Variants in PAX3 observed in about 807,000 individuals in gnomAD.
PAX3 encodes the protein paired box 3.
Under a neutral mutation model 51.6 loss-of-function variants are expected in PAX3, and 14 were observed. The ratio of observed to expected loss-of-function variants is 0.27; its 90% CI spans 0.18 to 0.42. The LOEUF is 0.42. PAX3 is among the 10% of genes least tolerant of loss of function. The pLI, the probability that PAX3 is intolerant of heterozygous loss-of-function variation, is 1.00. For synonymous variants in PAX3, 280 were observed against 253.4 expected (o/e 1.11, Z -1.00); for missense variants, 540 against 642.8 (o/e 0.84, Z 1.73).
At chr2:222,255,631 C>A (rs1693608863) in intron 4 of PAX3, among the ~76,000 whole-genome samples, 2 of 152,124 alleles carry the variant, frequency 1.3e-5, no homozygotes, top group South Asian at 4.1e-4. Flanking sequence ...ACTCAGATAC[C>A]TTGATGTTAG....
chr2:222,290,006 T>C (rs1694971867), intron 4 of PAX3, among the ~76,000 whole-genome samples: 1 of 152,194 alleles, frequency 6.6e-6, no homozygotes, highest in South Asian at 2.1e-4. Flanking sequence ...AAACCTATGA[T>C]CTTATACCCA....
chr2:222,221,132 A>C (rs776470323), intron 6 of PAX3, 90 bp downstream of exon 6: 82 of 1,178,798 alleles, frequency 7.0e-5, no homozygotes, highest in Non-Finnish European at 1.0e-4. Context: ...ACATGGTGTC[A>C]GTACTGCAGA....
chr2:222,232,149 T>A lies in PAX3; in HGVS notation c.721A>T (p.Thr241Ser), dbSNP rs529347506. The A allele has an allele frequency of 1.5e-4, 248 of 1,614,054 alleles. 1 individual carries two copies. The Admixed American group carries it at 2.8e-3, about 18-fold the overall frequency. Residue 241 changes from threonine to serine, a missense_variant, in exon 5 of 9, where the codon ACT (threonine) becomes TCT (serine). Physicochemically the swap from Thr to Ser is moderately conservative, Grantham distance 58. This residue lies in a region of PAX3 where 427 missense variants were observed against 483.6 expected (regional missense o/e 0.88). Transcript: ENST00000392070. ...LEELERAFER[T>S]HYPDIYTREE... ...CTAGTATAAATGTCAGGGTAATGAG[T>A]TCTCTCAAAAGCACGCTCCAGTTCC...
chr2:222,211,059 G>T (rs1487489244), intron 7 of PAX3, among the ~76,000 whole-genome samples: 1 of 152,006 alleles, frequency 6.6e-6, no homozygotes, highest in Non-Finnish European at 1.5e-5. Flanking sequence ...TAGAGACGAG[G>T]TCTCACTATG....
At chr2:222,280,180 C>T (rs1694588241) in intron 4 of PAX3, among the ~76,000 whole-genome samples, 1 of 150,830 alleles carries the variant, frequency 6.6e-6, no homozygotes, top group Non-Finnish European at 1.5e-5. Context: ...TGTTGCACTG[C>T]AGCCTGGGCA....
At chr2:222,264,397 T>C (rs1029352501) in intron 4 of PAX3, 3 of 152,188 alleles carry the variant, frequency 2.0e-5, no homozygotes, top group African/African-American at 4.8e-5. Flanking sequence ...GGATGGGGGA[T>C]TGGGAAGCAA....
chr2:222,207,565 A>T (rs1445756134), intron 7 of PAX3, among the ~76,000 whole-genome samples: 1 of 152,232 alleles, frequency 6.6e-6, no homozygotes, highest in Non-Finnish European at 1.5e-5. Flanking sequence ...TGTGCTTCAT[A>T]TGCAGCATAC....
chr2:222,232,164 G>T lies in PAX3; in HGVS notation c.706C>A (p.Arg236Ser), dbSNP rs769650688. The change falls in exon 5 of 9, where the codon CGT (arginine) becomes AGT (serine). Residue 236 changes from arginine to serine, a missense_variant. Physicochemically the swap from Arg to Ser is moderately radical, Grantham distance 110. This residue lies in a region of PAX3 where 427 missense variants were observed against 483.6 expected (regional missense o/e 0.88). Transcript: ENST00000392070. ...GGGTAATGAGTTCTCTCAAAAGCAC[G>T]CTCCAGTTCCTCCAGCTGTTCTGCT... ...FTAEQLEELE[R>S]AFERTHYPDI... 3.1e-6 allele frequency: 5 copies of T among 1,613,996 alleles called. No homozygotes were observed. In the East Asian group the frequency reaches 1.1e-4, roughly 36 times the overall value.
At position 222,220,239 on chromosome 2, in the gene PAX3, G is replaced by T. The variant is rs751534630; in HGVS notation, c.1074C>A (p.Ser358Arg). 1 of 1,614,012 alleles carries T rather than the reference G, an allele frequency of 6.2e-7. No homozygotes were observed. The highest frequency in any genetic ancestry group is 8.5e-7 in the Non-Finnish European group (1 of 1,179,948). ...TATAGCTGGAAAATCCATGCCTGGT[G>T]CTGGGGAGGCAGTAGGCAGAGCTGC... is the stretch of plus-strand genomic sequence containing the variant. Reference protein sequence around the residue: ...PDSSSAYCLPSTRHGFSSYTD... With the variant: ...PDSSSAYCLPRTRHGFSSYTD... Residue 358 changes from serine (S) to arginine (R), a missense_variant, in exon 7 of 9, where the codon AGC (serine) becomes AGA (arginine). This residue lies in a region of PAX3 where 427 missense variants were observed against 483.6 expected (regional missense o/e 0.88). Transcript: ENST00000392070.
Position 222,201,034 on chromosome 2 carries a change from T to TACACAC in PAX3, c.*368_*373dup, listed in dbSNP as rs373626774. 1.2e-6 allele frequency: 1 copy of TACACAC among 800,440 alleles called. No homozygotes were observed. Among genetic ancestry groups the TACACAC allele is most frequent in the Non-Finnish European group, 2.0e-6 (1 of 500,532 alleles). The allele number at this position is 800,440 out of a possible 1,614,324, so 49.6% of individuals were successfully genotyped here. On this transcript the variant is annotated 3_prime_UTR_variant, in exon 9 of 9. Coordinates refer to ENST00000392070, the MANE Select transcript of PAX3 (RefSeq NM_181458.4). ...CCAAACCAGTCTGGGTAAATCTCAA[T>TACACAC]ACACACACACACACACACACGCACG...
chr2:222,297,074 C>A lies in PAX3; in HGVS notation c.225G>T (p.Gln75His). 1 of 1,614,160 alleles carries A rather than the reference C, an allele frequency of 6.2e-7. No homozygotes were observed. The highest frequency in any genetic ancestry group is 8.5e-7 in the Non-Finnish European group (1 of 1,180,024). Residue 75 changes from glutamine to histidine, a missense_variant, in exon 2 of 9, where the codon CAG (glutamine) becomes CAT (histidine). Coordinates refer to ENST00000392070, the MANE Select transcript of PAX3 (RefSeq NM_181458.4). Reference sequence around the variant, plus strand: ...AGACGCAGCCGTGGGACACGCGCAGCTGGCGCGAGATGACGCAGGGCCGGA... The same window carrying A: ...AGACGCAGCCGTGGGACACGCGCAGATGGCGCGAGATGACGCAGGGCCGGA... ...HGIRPCVISR[Q>H]LRVSHGCVSK...
At chr2:222,245,012 A>G (rs116432412) in intron 4 of PAX3, among the ~76,000 whole-genome samples, 1,613 of 152,108 alleles carry the variant, frequency 0.011, 29 homozygotes, top group African/African-American at 0.036. Context: ...GCTGGATATG[A>G]TGGTGCACAC....
chr2:222,275,385 T>G (rs971625668), intron 4 of PAX3, among the ~76,000 whole-genome samples: 1 of 152,110 alleles, frequency 6.6e-6, no homozygotes, highest in Non-Finnish European at 1.5e-5. Flanking sequence ...ATACAAAAAA[T>G]TATGCATGCA....
intron 4 of PAX3, among the ~76,000 whole-genome samples, chr2:222,241,299 G>A (rs1367413): frequency 6.6e-6 from 1 of 152,044 alleles, no homozygotes; most frequent in Non-Finnish European, 1.5e-5. Context: ...CCCTCTTATC[G>A]CGGGCTGGCC....
intron 4 of PAX3, among the ~76,000 whole-genome samples, chr2:222,282,419 T>C (rs1559307671): frequency 6.6e-6 from 1 of 152,176 alleles, no homozygotes; most frequent in Non-Finnish European, 1.5e-5. Flanking sequence ...TGTGCAGAGA[T>C]GGGCATGGAT....
At chr2:222,247,839 T>C (rs916074563) in intron 4 of PAX3, among the ~76,000 whole-genome samples, 1 of 152,168 alleles carries the variant, frequency 6.6e-6, no homozygotes, top group African/African-American at 2.4e-5. Context: ...AACCATTATA[T>C]AATGCTGTTT....
rs2106072050 is a variant in PAX3 at position 222,220,252 on chromosome 2, T to G, written c.1061A>C (p.Tyr354Ser). ...IPSNPDSSSA[Y>S]CLPSTRHGFS... ...TCCATGCCTGGTGCTGGGGAGGCAG[T>G]AGGCAGAGCTGCTGTCTGGGTTGGA... is the stretch of plus-strand genomic sequence containing the variant. Residue 354 changes from tyrosine (Y) to serine (S), a missense_variant, in exon 7 of 9, where the codon TAC becomes TCC. Tyr to Ser is a moderately radical substitution (Grantham distance 144, BLOSUM62 -2). Transcript: ENST00000392070. 1.2e-6 allele frequency: 2 copies of G among 1,613,938 alleles called. No homozygotes were observed. Among genetic ancestry groups the G allele is most frequent in the South Asian group, 2.2e-5 (2 of 91,076 alleles).
intron 7 of PAX3, among the ~76,000 whole-genome samples, chr2:222,208,096 A>G (rs1003846999): frequency 1.3e-5 from 2 of 152,020 alleles, no homozygotes; most frequent in African/African-American, 4.8e-5. Context: ...CCATTAAGAA[A>G]AAGTTCATTC....
intron 4 of PAX3, among the ~76,000 whole-genome samples, chr2:222,252,648 C>A (rs1015370070): frequency 6.6e-6 from 1 of 152,114 alleles, no homozygotes; most frequent in African/African-American, 2.4e-5. Flanking sequence ...TGGAGGGATG[C>A]CTTGCCCTAT....
Sources: allele counts gnomAD v4.1 joint callset (sites outside exome capture counted in the v4.1 genomes callset), GRCh38; gene constraint gnomAD v4.1.1; regional missense constraint gnomAD v4.1.1; transcripts MANE v1.5; gene names NCBI Gene and HGNC (gene_info 2026-07-23, HGNC 2026-07-21).